COL21A1: variants seen among roughly 807,000 people sequenced by gnomAD.
COL21A1 encodes the protein collagen alpha-1(XXI) chain.
In COL21A1, 149 loss-of-function variants were observed where a neutral mutation model predicts 137.9. The ratio of observed to expected loss-of-function variants is 1.08; its 90% CI spans 0.95 to 1.24. The LOEUF (loss-of-function observed/expected upper bound fraction) is 1.24. Among genes scored for constraint, COL21A1 ranks in the 50% most tolerant of loss-of-function variants. The probability of loss-of-function intolerance (pLI) is 0.00; values close to 1 mark genes in which losing one functional copy is unlikely to be tolerated. For synonymous variants in COL21A1, 456 were observed against 391.5 expected (o/e 1.16, Z -1.95); for missense variants, 1,167 against 1,158.4 (o/e 1.01, Z -0.11).
chr6:56,367,078 T>C (rs9382624), intron 1 of COL21A1, among the ~76,000 whole-genome samples: 1 of 152,024 alleles, frequency 6.6e-6, no homozygotes, highest in Non-Finnish European at 1.5e-5. Context: ...CAAGTTTTAA[T>C]GGCTCATCAG....
At chr6:56,077,639 C>A (rs1767365139) in intron 17 of COL21A1, 66 bp from the exon 18 acceptor site, 1 of 942,160 alleles carries the variant, frequency 1.1e-6, no homozygotes. Context: ...AAAGAAGAAA[C>A]AGTCACAATT....
At chr6:56,303,321 C>T (rs1474884939) in intron 1 of COL21A1, among the ~76,000 whole-genome samples, 1 of 152,132 alleles carries the variant, frequency 6.6e-6, no homozygotes, top group Non-Finnish European at 1.5e-5. Flanking sequence ...TTACCTTGGG[C>T]AGTATGGCCA....
chr6:56,150,077 C>T (rs6927919), intron 10 of COL21A1, among the ~76,000 whole-genome samples: 116,498 of 151,958 alleles, frequency 0.77, 45,528 homozygotes, highest in African/African-American at 0.91. Flanking sequence ...ACCAGTACTT[C>T]ATATTTTTGT....
intron 17 of COL21A1, among the ~76,000 whole-genome samples, chr6:56,098,363 G>GTATATAAATATATA (rs1562191624): frequency 2.9e-5 from 1 of 34,280 alleles, no homozygotes; most frequent in Admixed American, 5.7e-4. Flanking sequence ...ATATATATAT[G>GTATATAAATATATA]AATATATATA....
intron 16 of COL21A1, among the ~76,000 whole-genome samples, chr6:56,111,455 T>C (rs1771423143): frequency 6.6e-6 from 1 of 152,174 alleles, no homozygotes; most frequent in Admixed American, 6.5e-5. Context: ...GGTTTCTTAG[T>C]TTTGACAAAT....
intron 7 of COL21A1, among the ~76,000 whole-genome samples, chr6:56,165,880 A>AT (rs1776535301): frequency 6.6e-6 from 1 of 150,496 alleles, no homozygotes; most frequent in Admixed American, 6.7e-5. Context: ...ATACACCAAT[A>AT]TTTTGCCCAG....
intron 3 of COL21A1, among the ~76,000 whole-genome samples, chr6:56,173,413 A>G (rs1777214479): frequency 6.6e-6 from 1 of 151,564 alleles, no homozygotes; most frequent in Non-Finnish European, 1.5e-5. Flanking sequence ...GAAGGGAAAG[A>G]AAGGGAAGGG....
chr6:56,346,488 G>C (rs1248835672), intron 1 of COL21A1, among the ~76,000 whole-genome samples: 1 of 152,124 alleles, frequency 6.6e-6, no homozygotes, highest in Non-Finnish European at 1.5e-5. Flanking sequence ...ATAGTACTGA[G>C]AAATTATTTG....
chr6:56,143,063 G>C (rs972837214), intron 10 of COL21A1, among the ~76,000 whole-genome samples: 4 of 151,830 alleles, frequency 2.6e-5, no homozygotes, highest in African/African-American at 9.7e-5. Context: ...AATATTCTTT[G>C]CTACCTCTAG....
At chr6:56,370,341 C>T (rs116174325) in intron 1 of COL21A1, among the ~76,000 whole-genome samples, 1,808 of 152,266 alleles carry the variant, frequency 0.012, 15 homozygotes, top group Non-Finnish European at 0.019. Context: ...TGAGCACACA[C>T]CGTGAGAATT....
chr6:56,202,225 G>C (rs1014664559), intron 1 of COL21A1, among the ~76,000 whole-genome samples: 7 of 152,042 alleles, frequency 4.6e-5, no homozygotes, highest in African/African-American at 1.7e-4. Context: ...AAAATGCAGG[G>C]GTAAAGGCAT....
chr6:56,129,358 A>T (rs964313559), intron 12 of COL21A1, among the ~76,000 whole-genome samples: 9 of 152,100 alleles, frequency 5.9e-5, no homozygotes, highest in African/African-American at 2.2e-4. Flanking sequence ...GTAACTGGTG[A>T]TATAACCTTG....
At chr6:56,331,361 T>C (rs188115767) in intron 1 of COL21A1, among the ~76,000 whole-genome samples, 1 of 152,148 alleles carries the variant, frequency 6.6e-6, no homozygotes, top group Admixed American at 6.6e-5. Context: ...CTTAGGCCAA[T>C]GTCCAGAAGA....
At chr6:56,165,825 T>G (rs1776532688) in intron 7 of COL21A1, among the ~76,000 whole-genome samples, 1 of 151,856 alleles carries the variant, frequency 6.6e-6, no homozygotes, top group South Asian at 2.1e-4. Context: ...GAATTTACAT[T>G]GTCAAAAAGT....
At position 56,136,895 on chromosome 6, in the gene COL21A1, C is replaced by T. The variant is rs1050497222; in HGVS notation, c.1542+4890G>A. 5.3e-5 allele frequency among the ~76,000 whole-genome samples: 8 copies of T among 152,096 alleles called. 1 individual carries two copies. Among genetic ancestry groups the T allele is most frequent in the South Asian group, 4.1e-4 (2 of 4,834 alleles). On this transcript the variant is annotated intron_variant, in intron 12 of 29. Coordinates refer to ENST00000244728, the MANE Select transcript of COL21A1 (RefSeq NM_030820.4). ...GAACACTCCTATGGCCCAGTCAGCA[C>T]GACCGTGGGTACTCATTCATCTTCT...
chr6:56,346,922 G>A (rs1210535092), intron 1 of COL21A1, among the ~76,000 whole-genome samples: 2 of 151,962 alleles, frequency 1.3e-5, no homozygotes, highest in African/African-American at 4.8e-5. Context: ...TGGTCTCTTG[G>A]GTGTCATGAT....
At chr6:56,362,764 GC>G (rs1766003947) in intron 1 of COL21A1, among the ~76,000 whole-genome samples, 2 of 151,998 alleles carry the variant, frequency 1.3e-5, no homozygotes, top group Admixed American at 6.6e-5. Flanking sequence ...TACCACCTAG[GC>G]CCCTCTGTTA....
chr6:56,156,655 CTA>C (rs33997736), intron 10 of COL21A1, among the ~76,000 whole-genome samples: 111,229 of 151,748 alleles, frequency 0.73, 41,187 homozygotes, highest in East Asian at 0.86. Context: ...GTGCTTAAGC[CTA>C]TACTGATCAA....
chr6:56,158,204 C>T (rs1349879680), intron 9 of COL21A1, among the ~76,000 whole-genome samples: 2 of 148,372 alleles, frequency 1.3e-5, no homozygotes, highest in South Asian at 2.1e-4. Flanking sequence ...CAGGGTGTTC[C>T]TATATAGATG....
Sources: gnomAD v4.1 joint callset for allele counts (sites outside exome capture counted in the v4.1 genomes callset) on GRCh38, gnomAD v4.1.1 for gene constraint, MANE v1.5 for transcripts, NCBI Gene and HGNC (gene_info 2026-07-23, HGNC 2026-07-21) for gene names.